CUL3: variants seen among roughly 807,000 people sequenced by gnomAD.
CUL3 encodes cullin 3.
In CUL3, 19 loss-of-function variants were observed where a neutral mutation model predicts 89.1. That is an observed-to-expected ratio of 0.21 (90% confidence interval 0.15 to 0.31). The LOEUF (loss-of-function observed/expected upper bound fraction) is 0.31, where lower values mean the gene tolerates loss of function less well. Ranked by LOEUF, CUL3 falls within the 10% of genes least tolerant of loss-of-function variation. The probability of loss-of-function intolerance (pLI) is 1.00; values close to 1 mark genes in which losing one functional copy is unlikely to be tolerated. For missense variants in CUL3, 469 were observed against 942.3 expected (o/e 0.50, Z 6.58); for synonymous variants, 351 against 308.4 (o/e 1.14, Z -1.45).
intron 1 of CUL3, among the ~76,000 whole-genome samples, chr2:224,572,963 T>C (rs1231316578): frequency 1.3e-5 from 2 of 152,206 alleles, no homozygotes; most frequent in African/African-American, 4.8e-5. Flanking sequence ...CAGGATTTTG[T>C]TATAGCACCA....
In CUL3 at chr2:224,470,646, T is replaced by C. The variant is rs1370195535; in HGVS notation, c.*3599A>G. On this transcript the variant is annotated 3_prime_UTR_variant, in exon 16 of 16. Coordinates refer to ENST00000264414, the MANE Select transcript of CUL3 (RefSeq NM_003590.5). ...TAAGTATGTAAAACTTTCTCTAAGA[T>C]TGTAGGAGACAAAGCGCCTATTTTC... 3.9e-5 allele frequency: 9 copies of C among 231,762 alleles called. No homozygotes were observed. Among genetic ancestry groups the C allele is most frequent in the Admixed American group, 1.7e-4 (3 of 17,754 alleles). 14.4% of individuals were successfully genotyped at this position (231,762 alleles called of 1,614,324 possible).
At chr2:224,486,680 T>C (rs1691737230) in intron 13 of CUL3, among the ~76,000 whole-genome samples, 1 of 152,098 alleles carries the variant, frequency 6.6e-6, no homozygotes, top group South Asian at 2.1e-4. Flanking sequence ...TGGAACCAAC[T>C]TGGAAAACAC....
At chr2:224,493,890 G>A (rs1406132666) in intron 13 of CUL3, among the ~76,000 whole-genome samples, 2 of 152,074 alleles carry the variant, frequency 1.3e-5, no homozygotes, top group East Asian at 1.9e-4. Context: ...GGTACTCAAC[G>A]CTTGCTTAAT....
intron 1 of CUL3, among the ~76,000 whole-genome samples, chr2:224,576,764 A>G (rs897642441): frequency 2.6e-5 from 4 of 152,078 alleles, no homozygotes; most frequent in African/African-American, 9.7e-5. Context: ...TTTTAGATGC[A>G]CATTTAACGT....
At chr2:224,535,460 G>A (rs1233824371) in intron 3 of CUL3, 68 bp downstream of exon 3, 10 of 1,093,828 alleles carry the variant, frequency 9.1e-6, no homozygotes, top group South Asian at 6.2e-5. Flanking sequence ...GTGAGCCACC[G>A]TGCCCAGCCT....
chr2:224,505,223 C>T (rs1175518593), intron 8 of CUL3, among the ~76,000 whole-genome samples: 2 of 151,652 alleles, frequency 1.3e-5, no homozygotes, highest in African/African-American at 4.9e-5. Context: ...CTGCAACCTC[C>T]GCCTCCTGGG....
intron 2 of CUL3, among the ~76,000 whole-genome samples, chr2:224,538,878 C>T (rs1032857970): frequency 6.6e-6 from 1 of 152,102 alleles, no homozygotes; most frequent in African/African-American, 2.4e-5. Context: ...CTTTTACAAA[C>T]AGATTTTAAG....
chr2:224,506,357 G>A lies in CUL3; in HGVS notation c.1030-225C>T, dbSNP rs545563603. On this transcript the variant is annotated intron_variant, in intron 7 of 15. Coordinates refer to ENST00000264414, the MANE Select transcript of CUL3 (RefSeq NM_003590.5). Reference sequence around the variant, plus strand: ...ATATATGTATTAATACAATGCAAACGAACCAAAGAACCTCCTCACTGTTTC... The same window carrying A: ...ATATATGTATTAATACAATGCAAACAAACCAAAGAACCTCCTCACTGTTTC... 1.8e-4 allele frequency among the ~76,000 whole-genome samples: 27 copies of A among 152,046 alleles called. No individual in the cohort carries two copies. In the East Asian group the frequency reaches 1.9e-3, roughly 11 times the overall value.
chr2:224,524,721 C>A (rs1693401887), intron 3 of CUL3, among the ~76,000 whole-genome samples: 1 of 152,068 alleles, frequency 6.6e-6, no homozygotes, highest in South Asian at 2.1e-4. Flanking sequence ...TCATGCAGGG[C>A]CTCCACAATT....
chr2:224,584,186 A>C (rs1028193423), intron 1 of CUL3, among the ~76,000 whole-genome samples: 1 of 152,168 alleles, frequency 6.6e-6, no homozygotes, highest in Admixed American at 6.5e-5. Context: ...GAAAGCGATG[A>C]AACAAAGCTA....
intron 2 of CUL3, among the ~76,000 whole-genome samples, chr2:224,543,160 C>T (rs1359057685): frequency 6.6e-6 from 1 of 152,140 alleles, no homozygotes; most frequent in Non-Finnish European, 1.5e-5. Flanking sequence ...TTCTAAAGTT[C>T]ATTGAAACTA....
chr2:224,490,710 G>GA (rs5839067), intron 13 of CUL3, among the ~76,000 whole-genome samples: 22,342 of 142,636 alleles, frequency 0.16, 2,055 homozygotes, highest in East Asian at 0.27. Context: ...GAGCTTTAAA[G>GA]AAAAAAAAAA....
At chr2:224,507,120 C>T in intron 6 of CUL3, 117 bp from the exon 7 acceptor site, 1 of 772,978 alleles carries the variant, frequency 1.3e-6, no homozygotes, top group Admixed American at 3.5e-5. Context: ...ATTTGCTGAC[C>T]ACATGACTAT....
chr2:224,569,392 A>G (rs1301757465), intron 1 of CUL3, among the ~76,000 whole-genome samples: 1 of 152,194 alleles, frequency 6.6e-6, no homozygotes, highest in Admixed American at 6.5e-5. Context: ...AAAAGAAACA[A>G]AAGCTTTTTT....
chr2:224,511,595 A>AT lies in CUL3; in HGVS notation c.655-14_655-13insA. On this transcript the variant is annotated splice_polypyrimidine_tract_variant and intron_variant, in intron 5 of 15. Transcript: ENST00000264414. ...TCTGGCTTTCCATCTGCCATTTAAA[A>AT]ATATATATATTTTTTAAACATAGAA... is the stretch of plus-strand genomic sequence containing the variant. 1.4e-6 allele frequency: 2 copies of AT among 1,409,972 alleles called. No individual in the cohort carries two copies. Among genetic ancestry groups the AT allele is most frequent in the Non-Finnish European group, 9.7e-7 (1 of 1,027,590 alleles). The allele number at this position is 1,409,972 out of a possible 1,614,324, so 87.3% of individuals were successfully genotyped here. A position where few individuals can be genotyped will look rare whatever the true frequency, so the allele number is the denominator to read the frequency against.
chr2:224,503,524 C>T, intron 9 of CUL3, 128 bp downstream of exon 9: 2 of 827,090 alleles, frequency 2.4e-6, no homozygotes, highest in Non-Finnish European at 3.5e-6. Flanking sequence ...TTCTCCAAAA[C>T]AATCTACCTT....
In CUL3 at chr2:224,563,245, G is replaced by A. The variant is rs138388702; in HGVS notation, c.67-5389C>T. On this transcript the variant is annotated intron_variant, in intron 1 of 15. Coordinates refer to ENST00000264414, the MANE Select transcript of CUL3 (RefSeq NM_003590.5). ...AAAACATTATTCCCCTACATCTCTT[G>A]TATACTACTTTTCCAGAGCCATTTA... 5.7e-4 allele frequency: 267 copies of A among 471,196 alleles called. 1 individual carries two copies. Among genetic ancestry groups the A allele is most frequent in the African/African-American group, 4.9e-3 (248 of 50,150 alleles). The allele number at this position is 471,196 out of a possible 1,614,324, so 29.2% of individuals were successfully genotyped here. A position where few individuals can be genotyped will look rare whatever the true frequency, so the allele number is the denominator to read the frequency against.
At chr2:224,529,461 CA>C (rs34911671) in intron 3 of CUL3, among the ~76,000 whole-genome samples, 71,148 of 127,246 alleles carry the variant, frequency 0.56, 18,980 homozygotes, top group African/African-American at 0.62. Flanking sequence ...ACTAAAAATA[CA>C]AAAAAAAAAA....
intron 3 of CUL3, among the ~76,000 whole-genome samples, chr2:224,531,087 C>A (rs1280888913): frequency 1.6e-5 from 2 of 123,872 alleles, no homozygotes; most frequent in Non-Finnish European, 3.4e-5. Context: ...CCTAAAATAG[C>A]CTTTTTTTTT....
Sources: allele counts gnomAD v4.1 joint callset (sites outside exome capture counted in the v4.1 genomes callset), GRCh38; gene constraint gnomAD v4.1.1; transcripts MANE v1.5; gene names NCBI Gene and HGNC (gene_info 2026-07-23, HGNC 2026-07-21).